NRXN1: variants seen among roughly 807,000 people sequenced by gnomAD.
NRXN1 encodes the protein neurexin-1.
In NRXN1, 39 loss-of-function variants were observed where a neutral mutation model predicts 150.9. The observed-to-expected ratio is 0.26, with a 90% CI of 0.20 to 0.34. The LOEUF is 0.34. Among genes scored for constraint, NRXN1 ranks in the 10% least tolerant of loss-of-function variants. NRXN1 has a pLI of 1.00. For synonymous variants in NRXN1, 924 were observed against 757.0 expected, an observed-to-expected ratio of 1.22 and a Z score of -3.62; for missense variants, 1,815 against 1,949.9, an observed-to-expected ratio of 0.93 and a Z score of 1.30.
intron 5 of NRXN1, among the ~76,000 whole-genome samples, chr2:50,849,526 G>A (rs759387181): frequency 8.5e-5 from 13 of 152,114 alleles, no homozygotes; most frequent in East Asian, 1.9e-4. Context: ...GATGACCAAC[G>A]TTACCCAATT....
intron 21 of NRXN1, among the ~76,000 whole-genome samples, chr2:49,947,510 T>A (rs1315023795): frequency 6.9e-6 from 1 of 145,212 alleles, no homozygotes; most frequent in Non-Finnish European, 1.5e-5. Flanking sequence ...TTTCTTTTTT[T>A]TTTCTTTTTT....
intron 17 of NRXN1, among the ~76,000 whole-genome samples, chr2:50,457,519 G>C (rs564342487): frequency 1.3e-5 from 2 of 152,114 alleles, no homozygotes; most frequent in East Asian, 3.9e-4. Context: ...AAAGGGAAGA[G>C]ACAATCTAAA....
intron 2 of NRXN1, among the ~76,000 whole-genome samples, chr2:50,968,662 T>G (rs528235167): frequency 1.3e-5 from 2 of 152,202 alleles, no homozygotes; most frequent in African/African-American, 2.4e-5. Context: ...ATTTTCACAT[T>G]TAATAAAAGA....
intron 2 of NRXN1, among the ~76,000 whole-genome samples, chr2:50,998,380 G>A (rs1367484112): frequency 1.9e-5 from 2 of 106,164 alleles, no homozygotes; most frequent in Non-Finnish European, 3.6e-5. Flanking sequence ...GCCATTTCTT[G>A]TGTAGCACCC....
At chr2:50,354,884 G>C (rs2153004342) in intron 17 of NRXN1, among the ~76,000 whole-genome samples, 1 of 152,080 alleles carries the variant, frequency 6.6e-6, no homozygotes, top group Admixed American at 6.6e-5. Context: ...GACACTGTCT[G>C]TCATACACAT....
chr2:50,239,768 T>C (rs1042180051), intron 17 of NRXN1, among the ~76,000 whole-genome samples: 5 of 140,566 alleles, frequency 3.6e-5, no homozygotes, highest in East Asian at 2.2e-4. Context: ...AAAAAGTTAA[T>C]TGGATGTCAG....
chr2:50,324,756 C>T (rs2076278881), intron 17 of NRXN1, among the ~76,000 whole-genome samples: 1 of 152,222 alleles, frequency 6.6e-6, no homozygotes, highest in African/African-American at 2.4e-5. Flanking sequence ...TCCTTCCACT[C>T]CTCCAACATT....
At chr2:50,683,071 G>T (rs528688344) in intron 5 of NRXN1, among the ~76,000 whole-genome samples, 1 of 152,262 alleles carries the variant, frequency 6.6e-6, no homozygotes, top group Admixed American at 6.5e-5. Flanking sequence ...ACACTGAGCT[G>T]CTGTGGACAC....
intron 5 of NRXN1, among the ~76,000 whole-genome samples, chr2:50,863,153 C>A (rs183695958): frequency 1.3e-5 from 2 of 151,970 alleles, no homozygotes; most frequent in African/African-American, 4.8e-5. Context: ...TAGAAAGTTA[C>A]ACTAACAGCT....
At chr2:50,239,107 T>C (rs977665876) in intron 17 of NRXN1, among the ~76,000 whole-genome samples, 9 of 151,844 alleles carry the variant, frequency 5.9e-5, no homozygotes, top group African/African-American at 1.9e-4. Flanking sequence ...TTCATCATAA[T>C]CTTTATAGGC....
intron 5 of NRXN1, among the ~76,000 whole-genome samples, chr2:50,715,638 A>G (rs1695766438): frequency 6.6e-6 from 1 of 152,138 alleles, no homozygotes. Flanking sequence ...CTACTCACTG[A>G]AAGTGAAGTC....
intron 18 of NRXN1, among the ~76,000 whole-genome samples, chr2:50,215,849 A>G (rs1190804216): frequency 6.6e-6 from 1 of 152,054 alleles, no homozygotes; most frequent in Non-Finnish European, 1.5e-5. Context: ...GCTTTGCCCA[A>G]CCATATAGCC....
chr2:51,024,807 T>C (rs1289430077), intron 2 of NRXN1, among the ~76,000 whole-genome samples: 1 of 152,180 alleles, frequency 6.6e-6, no homozygotes, highest in Non-Finnish European at 1.5e-5. Flanking sequence ...ACTGAATTTG[T>C]TTAATATTTA....
chr2:50,607,883 C>T (rs560932776), intron 8 of NRXN1, among the ~76,000 whole-genome samples: 7 of 152,154 alleles, frequency 4.6e-5, no homozygotes, highest in Admixed American at 3.9e-4. Flanking sequence ...GCACATCATT[C>T]CAAGACTGCA....
chr2:50,723,784 A>G lies in NRXN1; in HGVS notation c.833-100169T>C, dbSNP rs1475361637. On this transcript the variant is annotated intron_variant, in intron 5 of 22. Transcript: ENST00000401669. ...AACAGGAGACTCAGTGAAAAAGGAG[A>G]CTGTTTCTGGAGAGGCCTCTGAATG... Among the ~76,000 whole-genome samples the G allele has an allele frequency of 3.9e-5, 6 of 152,226 alleles. No homozygotes were observed. In the East Asian group the frequency reaches 7.7e-4, roughly 20 times the overall value.
At chr2:50,732,925 T>C (rs1166868413) in intron 5 of NRXN1, among the ~76,000 whole-genome samples, 1 of 152,198 alleles carries the variant, frequency 6.6e-6, no homozygotes, top group Non-Finnish European at 1.5e-5. Flanking sequence ...TGTTCTGTTT[T>C]GTGATTCACA....
chr2:50,625,068 T>C (rs1431709716), intron 5 of NRXN1: 1 of 152,044 alleles, frequency 6.6e-6, no homozygotes, highest in Non-Finnish European at 1.5e-5. Flanking sequence ...TCTGTCCCAC[T>C]GGCGACATAC....
chr2:50,584,619 C>A (rs1672799580), intron 8 of NRXN1, among the ~76,000 whole-genome samples: 1 of 152,128 alleles, frequency 6.6e-6, no homozygotes, highest in African/African-American at 2.4e-5. Context: ...TAGCAAAGTG[C>A]AAGTGGTGGA....
chr2:50,532,882 A>T (rs893995813), intron 10 of NRXN1, among the ~76,000 whole-genome samples: 1 of 152,136 alleles, frequency 6.6e-6, no homozygotes, highest in Non-Finnish European at 1.5e-5. Context: ...TTGCTTTCTC[A>T]TTGGTTCCGA....
Sources: allele counts gnomAD v4.1 joint callset (sites outside exome capture counted in the v4.1 genomes callset), GRCh38; gene constraint gnomAD v4.1.1; transcripts MANE v1.5; gene names NCBI Gene and HGNC (gene_info 2026-07-23, HGNC 2026-07-21).